Variants in GEMIN2 observed in about 807,000 individuals in gnomAD.
GEMIN2 encodes the protein gem-associated protein 2.
A neutral mutation model predicts 45.8 loss-of-function variants in GEMIN2; 37 were observed. The ratio of observed to expected loss-of-function variants is 0.81; its 90% CI spans 0.62 to 1.06. The LOEUF is 1.06. GEMIN2 is among the 50% of genes least tolerant of loss of function. The pLI is 0.00. For synonymous variants in GEMIN2, 101 were observed against 111.5 expected (o/e 0.91, Z 0.60); for missense variants, 335 against 321.8 (o/e 1.04, Z -0.31).
At chr14:39,129,914 A>C (rs2052693574) in intron 7 of GEMIN2, among the ~76,000 whole-genome samples, 1 of 145,034 alleles carries the variant, frequency 6.9e-6, no homozygotes, top group South Asian at 2.2e-4. Context: ...CAAACTCCTT[A>C]TCTCATTGCA....
chr14:39,136,187 G>A (rs575830436), intron 9 of GEMIN2, among the ~76,000 whole-genome samples: 8 of 151,844 alleles, frequency 5.3e-5, no homozygotes, highest in East Asian at 1.9e-4. Flanking sequence ...TCTGTACTTC[G>A]TTTTTTTTCA....
At chr14:39,126,530 C>T (rs13379360) in intron 6 of GEMIN2, among the ~76,000 whole-genome samples, 32,974 of 152,056 alleles carry the variant, frequency 0.22, 4,033 homozygotes, top group Middle Eastern at 0.36. Context: ...CACAAGCTGA[C>T]AGTGTTACTT....
rs1178903758 is a variant in GEMIN2 at position 39,122,455 on chromosome 14, G to C, written c.398G>C (p.Trp133Ser). 1.3e-6 allele frequency: 2 copies of C among 1,597,966 alleles called. No homozygotes were observed. Among genetic ancestry groups the C allele is most frequent in the Admixed American group, 3.4e-5 (2 of 58,502 alleles). ...TMPKSEDEEG[W>S]KKFCLGEKLC... is the part of the protein sequence containing the mutation. ...CCAAAATCTGAAGATGAAGAAGGCT[G>C]GAAGAAATTTTGTCTGGGTGAAAAG... is the stretch of plus-strand genomic sequence containing the variant. The change falls in exon 5 of 10, where the codon TGG (tryptophan) becomes TCG (serine). Residue 133 changes from tryptophan to serine, a missense_variant. Coordinates refer to ENST00000308317, the MANE Select transcript of GEMIN2 (RefSeq NM_003616.3).
Position 39,114,849 on chromosome 14 carries a change from C to A in GEMIN2, c.158C>A (p.Pro53Gln). 6.4e-7 allele frequency: 1 copy of A among 1,562,768 alleles called. No homozygotes were observed. Among genetic ancestry groups the A allele is most frequent in the Non-Finnish European group, 8.8e-7 (1 of 1,133,296 alleles). The change falls in exon 2 of 10, where the codon CCA becomes CAA. Residue 53 changes from proline (P) to glutamine (Q), a missense_variant. Transcript: ENST00000308317. The stretch of plus-strand genomic sequence containing the variant: ...TGTAGGATCGAAGCAGCTCAATGTC[C>A]AGATGTTGTGGTAGCTCAAATTGAC... ...RRVQIEAAQC[P>Q]DVVVAQIDPK...
At chr14:39,124,930 G>GAA in intron 5 of GEMIN2, 62 bp from the exon 6 acceptor site, 78 of 677,208 alleles carry the variant, frequency 1.2e-4, no homozygotes, top group South Asian at 1.5e-4. Context: ...TCACCAGTTT[G>GAA]AAAAAAAAAA....
intron 7 of GEMIN2, among the ~76,000 whole-genome samples, chr14:39,130,647 A>C (rs543109233): frequency 1.3e-5 from 2 of 152,292 alleles, no homozygotes; most frequent in African/African-American, 4.8e-5. Flanking sequence ...TAATCCCAGC[A>C]CTTAGGGAGG....
At chr14:39,125,082 G>C in intron 6 of GEMIN2, 46 bp downstream of exon 6, 1 of 914,600 alleles carries the variant, frequency 1.1e-6, no homozygotes, top group Non-Finnish European at 1.8e-6. Flanking sequence ...TTTGCATTGT[G>C]TGTGAAAGTA....
chr14:39,135,662 A>G (rs1050882732), intron 9 of GEMIN2, among the ~76,000 whole-genome samples: 7 of 151,990 alleles, frequency 4.6e-5, no homozygotes, highest in Non-Finnish European at 1.0e-4. Flanking sequence ...GTGCTTTGGG[A>G]GGTCAAGGTG....
At chr14:39,118,391 C>G in intron 3 of GEMIN2, 149 bp from the exon 4 acceptor site, 1 of 598,866 alleles carries the variant, frequency 1.7e-6, no homozygotes, top group Non-Finnish European at 3.0e-6. Context: ...GTAGTGTACT[C>G]TGTACCCAAT....
rs912682437 is a variant in GEMIN2 at position 39,136,652 on chromosome 14, T to C, written c.*173T>C. ...CTCAGAATATGGGTTGATTTGAATA[T>C]CTGAAATATCAATGGAAAATCCCAC... On this transcript the variant is annotated 3_prime_UTR_variant, in exon 10 of 10. Transcript: ENST00000308317. 1 of 501,032 alleles carries C rather than the reference T, an allele frequency of 2.0e-6. No individual in the cohort carries two copies. The highest frequency in any genetic ancestry group is 2.0e-5 in the African/African-American group (1 of 51,122). 31.0% of individuals were successfully genotyped at this position (501,032 alleles called of 1,614,324 possible).
chr14:39,114,524 T>TG, intron 1 of GEMIN2, 49 bp downstream of exon 1: 1 of 1,395,254 alleles, frequency 7.2e-7, no homozygotes, highest in Admixed American at 1.8e-5. Flanking sequence ...GCCCTGCCCC[T>TG]GGGTACAGCC....
intron 3 of GEMIN2, 146 bp downstream of exon 3, chr14:39,118,234 G>A (rs6571897): frequency 0.85 from 434,626 of 508,384 alleles, 186,498 homozygotes; most frequent in East Asian, 0.96. Flanking sequence ...CATTAGACAT[G>A]ATACAGTTTG....
intron 5 of GEMIN2, 119 bp downstream of exon 5, chr14:39,122,662 A>G (rs959885911): frequency 7.5e-6 from 4 of 532,854 alleles, no homozygotes; most frequent in Non-Finnish European, 1.3e-5. Flanking sequence ...TTTTATATCC[A>G]TGAGCTAAGG....
intron 6 of GEMIN2, among the ~76,000 whole-genome samples, chr14:39,125,408 T>C (rs543045710): frequency 1.8e-4 from 28 of 152,252 alleles, no homozygotes; most frequent in African/African-American, 6.7e-4. Flanking sequence ...TTGAATTAAA[T>C]ACAAGGTCCC....
rs148349582 is a variant in GEMIN2 at position 39,120,847 on chromosome 14, G to A, written c.373-1583G>A. 4.0e-3 allele frequency among the ~76,000 whole-genome samples: 607 copies of A among 152,116 alleles called. 4 individuals carry two copies. Among genetic ancestry groups the A allele is most frequent in the African/African-American group, 0.013 (525 of 41,494 alleles). ...TTCACCATATTTCCAGGCTAGTCTC[G>A]AACTCCTGACCTCAGGTGATTCATC... On this transcript the variant is annotated intron_variant, in intron 4 of 9. Transcript: ENST00000308317.
rs748900941 is a variant in GEMIN2 at position 39,118,119 on chromosome 14, C to A, written c.312+31C>A. ...TGTCATATTTAATCTAATTAAGCCC[C>A]TGTTGGATTTATTTCTGTTCTTAGA... is the stretch of plus-strand genomic sequence containing the variant. On this transcript the variant is annotated intron_variant, in intron 3 of 9. Transcript: ENST00000308317. 6.9e-6 allele frequency: 8 copies of A among 1,155,896 alleles called. 1 individual carries two copies. Among genetic ancestry groups the A allele is most frequent in the Non-Finnish European group, 1.0e-5 (8 of 785,988 alleles). The allele number at this position is 1,155,896 out of a possible 1,614,324, so 71.6% of individuals were successfully genotyped here.
At position 39,132,043 on chromosome 14, in the gene GEMIN2, G is replaced by A. The variant is rs746500592; in HGVS notation, c.686G>A (p.Arg229Lys). The A allele has an allele frequency of 6.3e-7, 1 of 1,583,756 alleles. No homozygotes were observed. The highest frequency in any genetic ancestry group is 1.7e-5 in the Admixed American group (1 of 59,896). ...AHSLIRQLAR[R>K]CSEVRLLVDS... ...TCACTGATTCGGCAGCTTGCAAGAA[G>A]GTGCTCTGAAGTGAGGCTCTTAGTG... Residue 229 changes from arginine (R) to lysine (K), a missense_variant, in exon 8 of 10, where the codon AGG becomes AAG. By Grantham distance (26) the Arg-to-Lys change is conservative. Coordinates refer to ENST00000308317, the MANE Select transcript of GEMIN2 (RefSeq NM_003616.3).
chr14:39,124,328 G>C (rs931284681), intron 5 of GEMIN2, among the ~76,000 whole-genome samples: 5 of 152,122 alleles, frequency 3.3e-5, no homozygotes, highest in Non-Finnish European at 5.9e-5. Context: ...TGAAGATTTT[G>C]AAATGGTGTA....
rs1212260025 is a variant in GEMIN2, at chr14:39,128,067, C to CAA, written c.532-188_532-187dup. On this transcript the variant is annotated intron_variant, in intron 6 of 9. Transcript: ENST00000308317. ...TGGGCAACAGAGTGAGACTCTATCT[C>CAA]AAAAAAAAAAAAAAAAAAAAAAAAA... Among the ~76,000 whole-genome samples, 73 of 10,542 alleles carry CAA rather than the reference C, an allele frequency of 6.9e-3. 16 individuals carry two copies. The highest frequency in any genetic ancestry group is 0.036 in the Middle Eastern group (1 of 28). 6.9% of individuals were successfully genotyped at this position (10,542 alleles called of 152,430 possible).
Sources: allele counts gnomAD v4.1 joint callset (sites outside exome capture counted in the v4.1 genomes callset), GRCh38; gene constraint gnomAD v4.1.1; transcripts MANE v1.5; gene names NCBI Gene and HGNC (gene_info 2026-07-23, HGNC 2026-07-21).